MSH4: variants seen among roughly 807,000 people sequenced by gnomAD.
MSH4 encodes the protein mutS homolog 4.
MSH4 carries 106 observed loss-of-function variants against 113.7 expected under a neutral mutation model. The observed-to-expected ratio is 0.93, with a 90% CI of 0.80 to 1.10. MSH4 has a LOEUF of 1.10. Ranked by LOEUF, MSH4 falls within the 50% of genes least tolerant of loss-of-function variation. The pLI is 0.00. For missense variants in MSH4, 1,061 were observed against 1,093.7 expected, an observed-to-expected ratio of 0.97 and a Z score of 0.42; for synonymous variants, 368 against 380.2, an observed-to-expected ratio of 0.97 and a Z score of 0.37.
intron 7 of MSH4, among the ~76,000 whole-genome samples, chr1:75,834,414 G>A (rs1251173596): frequency 6.6e-6 from 1 of 152,190 alleles, no homozygotes. Flanking sequence ...ATTTGACCGA[G>A]CCATCCCATT....
rs751618474 is a variant in MSH4, at chr1:75,878,997, A to G, written c.1546A>G (p.Ile516Val). 1 of 1,605,512 alleles carries G rather than the reference A, an allele frequency of 6.2e-7. No homozygotes were observed. Among genetic ancestry groups the G allele is most frequent in the Non-Finnish European group, 8.5e-7 (1 of 1,175,078 alleles). Residue 516 changes from isoleucine to valine, a missense_variant, in exon 12 of 20, where the codon ATA becomes GTA. By Grantham distance (29) the Ile-to-Val change is conservative (BLOSUM62 3). Coordinates refer to ENST00000263187, the MANE Select transcript of MSH4 (RefSeq NM_002440.4). The stretch of plus-strand genomic sequence containing the variant: ...TTCTTGTTTCTGGTCACCAGGAATG[A>G]TATCACAACTTGGAGAAAAATATAG... ...TEIVDDIAGM[I>V]SQLGEKYSLP... is the part of the protein sequence containing the mutation.
chr1:75,872,284 A>G (rs1016240767), intron 9 of MSH4, among the ~76,000 whole-genome samples: 1 of 152,232 alleles, frequency 6.6e-6, no homozygotes, highest in African/African-American at 2.4e-5. Flanking sequence ...ACTGATGTGC[A>G]TTACTGTTTT....
chr1:75,891,514 C>T lies in MSH4; in HGVS notation c.2355+690C>T, dbSNP rs565998996. Among the ~76,000 whole-genome samples the T allele has an allele frequency of 1.1e-4, 17 of 152,094 alleles. No homozygotes were observed. The South Asian group carries it at 1.9e-3, about 17-fold the overall frequency. On this transcript the variant is annotated intron_variant, in intron 17 of 19. Transcript: ENST00000263187. ...TGTTGCCCATGCTGGAGTGCAGTGG[C>T]GCAATCTTGGCTCACTGCAACTTCC... is the stretch of plus-strand genomic sequence containing the variant.
chr1:75,898,901 A>G (rs1161455214), intron 18 of MSH4, among the ~76,000 whole-genome samples: 4 of 152,184 alleles, frequency 2.6e-5, no homozygotes, highest in Non-Finnish European at 2.9e-5. Flanking sequence ...ATGAGCCTCA[A>G]TTTCATGATC....
chr1:75,809,349 T>C (rs1320916811), intron 3 of MSH4, among the ~76,000 whole-genome samples: 1 of 152,144 alleles, frequency 6.6e-6, no homozygotes, highest in Admixed American at 6.5e-5. Flanking sequence ...ATTAATTTTT[T>C]ATTATACCTA....
chr1:75,865,499 G>A, intron 8 of MSH4, among the ~76,000 whole-genome samples: 1 of 152,200 alleles, frequency 6.6e-6, no homozygotes, highest in East Asian at 1.9e-4. Context: ...ACCACCTGGG[G>A]AAGTACTAGG....
intron 8 of MSH4, among the ~76,000 whole-genome samples, chr1:75,859,563 T>C (rs113185299): frequency 0.13 from 19,772 of 152,174 alleles, 1,493 homozygotes; most frequent in East Asian, 0.27. Context: ...TCCATGTAGT[T>C]GTGTGGTTTT....
intron 1 of MSH4, among the ~76,000 whole-genome samples, chr1:75,801,241 C>G (rs1487012975): frequency 6.6e-6 from 1 of 152,052 alleles, no homozygotes; most frequent in East Asian, 1.9e-4. Context: ...CCCACAAAAG[C>G]CTAAAATATT....
chr1:75,890,492 A>C (rs183011920), intron 16 of MSH4, among the ~76,000 whole-genome samples: 55 of 152,134 alleles, frequency 3.6e-4, no homozygotes, highest in Non-Finnish European at 3.2e-4. Flanking sequence ...GCATATGTCT[A>C]TTTATGTACA....
At chr1:75,814,944 G>A in intron 4 of MSH4, 77 bp from the exon 5 acceptor site, 2 of 733,950 alleles carry the variant, frequency 2.7e-6, no homozygotes, top group Non-Finnish European at 4.8e-6. Flanking sequence ...CACTTACCTA[G>A]CATGTGTTTA....
intron 8 of MSH4, among the ~76,000 whole-genome samples, chr1:75,851,316 G>T (rs1651182453): frequency 6.9e-6 from 1 of 145,662 alleles, no homozygotes; most frequent in Non-Finnish European, 1.5e-5. Context: ...TTCCTTTGTT[G>T]GCTTATTAGA....
Position 75,883,730 on chromosome 1 carries a change from G to T in MSH4, c.2016G>T (p.Gly672=). ...CCAACAATACCTATGTTACAGAAGG[G>T]AGTAATTTTTTGATCATAACTGGAC... ...PIANNTYVTE[G]SNFLIITGPN... is the part of the protein sequence containing the mutation. The change falls in exon 15 of 20, where the codon GGG becomes GGT. Residue 672 remains glycine, a synonymous_variant. Transcript: ENST00000263187. 1.2e-6 allele frequency: 2 copies of T among 1,613,288 alleles called. No individual in the cohort carries two copies. Among genetic ancestry groups the T allele is most frequent in the Non-Finnish European group, 1.7e-6 (2 of 1,179,608 alleles).
At chr1:75,883,566 A>G (rs1651981046) in intron 14 of MSH4, 55 bp from the exon 15 acceptor site, 1 of 1,419,568 alleles carries the variant, frequency 7.0e-7, no homozygotes. Flanking sequence ...ACACTACAAA[A>G]TCTTTAGACA....
chr1:75,861,000 A>G (rs1314857748), intron 8 of MSH4, among the ~76,000 whole-genome samples: 1 of 151,786 alleles, frequency 6.6e-6, no homozygotes, highest in Non-Finnish European at 1.5e-5. Flanking sequence ...TTCTCTCTTT[A>G]TTTCATTAAT....
chr1:75,880,603 A>G (rs1651910501), intron 13 of MSH4, among the ~76,000 whole-genome samples: 1 of 152,120 alleles, frequency 6.6e-6, no homozygotes, highest in Non-Finnish European at 1.5e-5. Flanking sequence ...TGAAGTAATA[A>G]AGAGAAAGGT....
At chr1:75,813,036 C>G (rs1406639475) in intron 4 of MSH4, among the ~76,000 whole-genome samples, 1 of 152,130 alleles carries the variant, frequency 6.6e-6, no homozygotes, top group African/African-American at 2.4e-5. Flanking sequence ...CCATATCATC[C>G]TTTTTCTACT....
At chr1:75,849,665 C>T (rs974506666) in intron 8 of MSH4, among the ~76,000 whole-genome samples, 2 of 152,132 alleles carry the variant, frequency 1.3e-5, no homozygotes, top group Admixed American at 1.3e-4. Context: ...TAACCTAAAA[C>T]AACTGATGTT....
At chr1:75,816,702 C>A (rs1043052052) in intron 6 of MSH4, among the ~76,000 whole-genome samples, 156 bp downstream of exon 6, 5 of 152,246 alleles carry the variant, frequency 3.3e-5, no homozygotes, top group African/African-American at 1.2e-4. Flanking sequence ...TCTCAGCTCA[C>A]TGCAACCTCT....
At chr1:75,902,134 T>C (rs941898486) in intron 19 of MSH4, among the ~76,000 whole-genome samples, 5 of 152,106 alleles carry the variant, frequency 3.3e-5, no homozygotes, top group Non-Finnish European at 7.4e-5. Context: ...TTTCTTGTTC[T>C]TAAAGGCCCC....
Sources: gnomAD v4.1 joint callset for allele counts (sites outside exome capture counted in the v4.1 genomes callset) on GRCh38, gnomAD v4.1.1 for gene constraint, MANE v1.5 for transcripts, NCBI Gene and HGNC (gene_info 2026-07-23, HGNC 2026-07-21) for gene names.